The following SUCLG2 variants were observed in gnomAD, a reference collection of about 807,000 sequenced individuals.
SUCLG2 encodes succinate-CoA ligase GDP-forming subunit beta.
SUCLG2 carries 42 observed loss-of-function variants against 47.9 expected under a neutral mutation model. That is an observed-to-expected ratio of 0.88 (90% CI 0.69 to 1.14). The LOEUF (loss-of-function observed/expected upper bound fraction) is 1.14, where lower values mean the gene tolerates loss of function less well. Ranked by LOEUF, SUCLG2 falls within the 50% of genes most tolerant of loss-of-function variation. The pLI is 0.00. For synonymous variants in SUCLG2, 195 were observed against 197.3 expected, an observed-to-expected ratio of 0.99 and a Z score of 0.10; for missense variants, 571 against 525.9, an observed-to-expected ratio of 1.09 and a Z score of -0.84.
At chr3:67,534,934 A>G (rs1358889034) in intron 2 of SUCLG2, among the ~76,000 whole-genome samples, 1 of 152,148 alleles carries the variant, frequency 6.6e-6, no homozygotes, top group Non-Finnish European at 1.5e-5. Flanking sequence ...TCAGAAAAAT[A>G]CAAGTTTCTT....
intron 2 of SUCLG2, among the ~76,000 whole-genome samples, chr3:67,567,713 G>A (rs979791211): frequency 1.6e-4 from 24 of 151,832 alleles, no homozygotes; most frequent in African/African-American, 4.6e-4. Flanking sequence ...TTTCACATTC[G>A]AAGACCCTAA....
chr3:67,578,212 T>C (rs1011512928), intron 2 of SUCLG2, among the ~76,000 whole-genome samples: 2 of 147,506 alleles, frequency 1.4e-5, no homozygotes, highest in Admixed American at 1.4e-4. Flanking sequence ...TTATATATTT[T>C]ATATATATTT....
At chr3:67,574,278 C>T (rs1415567002) in intron 2 of SUCLG2, among the ~76,000 whole-genome samples, 2 of 152,216 alleles carry the variant, frequency 1.3e-5, no homozygotes, top group African/African-American at 2.4e-5. Context: ...TACAAAGTCC[C>T]TTCTGCCACA....
chr3:67,432,499 T>C (rs771180096), intron 9 of SUCLG2, among the ~76,000 whole-genome samples: 1 of 152,222 alleles, frequency 6.6e-6, no homozygotes, highest in Non-Finnish European at 1.5e-5. Flanking sequence ...AGCTATACAA[T>C]ATTATATTCC....
intron 9 of SUCLG2, among the ~76,000 whole-genome samples, chr3:67,451,266 C>A (rs770476502): frequency 6.6e-6 from 1 of 152,202 alleles, no homozygotes; most frequent in South Asian, 2.1e-4. Flanking sequence ...AGACCTAACT[C>A]AAATGCCACC....
intron 10 of SUCLG2, among the ~76,000 whole-genome samples, chr3:67,385,856 C>A (rs1702247168): frequency 6.6e-6 from 1 of 152,168 alleles, no homozygotes; most frequent in Non-Finnish European, 1.5e-5. Context: ...AGACCCTAAC[C>A]CCAAGGCTTG....
At chr3:67,361,498 C>T (rs1169345856) in intron 10 of SUCLG2, among the ~76,000 whole-genome samples, 5 of 152,100 alleles carry the variant, frequency 3.3e-5, no homozygotes, top group African/African-American at 1.2e-4. Flanking sequence ...ACTGATGCTA[C>T]TGGTGGGATG....
chr3:67,581,759 G>C (rs887202546), intron 2 of SUCLG2, among the ~76,000 whole-genome samples: 1 of 152,176 alleles, frequency 6.6e-6, no homozygotes, highest in African/African-American at 2.4e-5. Flanking sequence ...AGGCTAAGGA[G>C]ATGTGAGCAC....
chr3:67,399,077 C>A (rs1010843928), intron 10 of SUCLG2, among the ~76,000 whole-genome samples: 1 of 150,092 alleles, frequency 6.7e-6, no homozygotes, highest in African/African-American at 2.5e-5. Flanking sequence ...TGCTAAATGA[C>A]GAGTTAATCG....
chr3:67,365,530 T>G (rs143863729), intron 10 of SUCLG2, among the ~76,000 whole-genome samples: 108 of 152,340 alleles, frequency 7.1e-4, no homozygotes, highest in African/African-American at 2.6e-3. Flanking sequence ...TAGAAATGTT[T>G]AAGACACTCC....
At chr3:67,543,943 T>C (rs1013775182) in intron 2 of SUCLG2, among the ~76,000 whole-genome samples, 8 of 152,204 alleles carry the variant, frequency 5.3e-5, no homozygotes, top group Non-Finnish European at 8.8e-5. Flanking sequence ...AGGAAGCCTC[T>C]AGAAGATATC....
chr3:67,401,589 A>C (rs1045229742), intron 9 of SUCLG2, among the ~76,000 whole-genome samples: 2 of 151,982 alleles, frequency 1.3e-5, no homozygotes, highest in Non-Finnish European at 1.5e-5. Context: ...AAAAAAAAAA[A>C]AACAAACTCT....
At chr3:67,516,168 T>C (rs985345941) in intron 6 of SUCLG2, among the ~76,000 whole-genome samples, 4 of 152,216 alleles carry the variant, frequency 2.6e-5, no homozygotes, top group Non-Finnish European at 4.4e-5. Context: ...AAGCCTTTCA[T>C]GGAGTTAGCA....
intron 10 of SUCLG2, among the ~76,000 whole-genome samples, chr3:67,390,756 T>C (rs913177074): frequency 6.6e-6 from 1 of 152,214 alleles, no homozygotes; most frequent in African/African-American, 2.4e-5. Flanking sequence ...TGTACATTTA[T>C]TGACAGCTCT....
intron 1 of SUCLG2, among the ~76,000 whole-genome samples, chr3:67,634,776 A>G (rs1290088451): frequency 1.3e-5 from 2 of 152,184 alleles, no homozygotes; most frequent in East Asian, 1.9e-4. Context: ...GGTATTTTTC[A>G]TATTTATCTT....
intron 9 of SUCLG2, among the ~76,000 whole-genome samples, chr3:67,444,334 T>TG (rs1272014476): frequency 1.6e-5 from 1 of 63,110 alleles, no homozygotes; most frequent in Non-Finnish European, 3.3e-5. Flanking sequence ...GGGAGGGAGG[T>TG]GGGGGGGTTA....
At chr3:67,380,505 T>C (rs1324325527) in intron 10 of SUCLG2, among the ~76,000 whole-genome samples, 1 of 152,242 alleles carries the variant, frequency 6.6e-6, no homozygotes, top group Admixed American at 6.5e-5. Flanking sequence ...ATTTTAATTA[T>C]ACTTGCAGTT....
intron 2 of SUCLG2, among the ~76,000 whole-genome samples, chr3:67,564,658 A>G (rs1021774431): frequency 2.0e-5 from 3 of 152,220 alleles, no homozygotes; most frequent in African/African-American, 7.2e-5. Context: ...ATGTGGCCCA[A>G]TACAAATTTG....
chr3:67,534,767 GCAAAAAA>G (rs1405449128), intron 2 of SUCLG2, among the ~76,000 whole-genome samples: 23 of 34,362 alleles, frequency 6.7e-4, no homozygotes, highest in Non-Finnish European at 9.6e-4. Context: ...AACACTGATG[GCAAAAAA>G]AAAAAAAAAA....
Sources: allele counts gnomAD v4.1 joint callset (sites outside exome capture counted in the v4.1 genomes callset), GRCh38; gene constraint gnomAD v4.1.1; transcripts MANE v1.5; gene names NCBI Gene and HGNC (gene_info 2026-07-23, HGNC 2026-07-21).